SGCZ: variants seen among roughly 807,000 people sequenced by gnomAD.
SGCZ encodes sarcoglycan zeta, also known as zeta-sarcoglycan.
Under a neutral mutation model 41.3 loss-of-function variants are expected in SGCZ, and 40 were observed. The observed-to-expected ratio is 0.97, with a 90% CI of 0.75 to 1.26. The LOEUF (loss-of-function observed/expected upper bound fraction) is 1.26. SGCZ is among the 50% of genes most tolerant of loss of function. The pLI is 0.00. For missense variants in SGCZ, 552 were observed against 369.8 expected (o/e 1.49, Z -4.04); for synonymous variants, 206 against 137.5 (o/e 1.50, Z -3.49).
chr8:14,193,338 T>TC (rs1554475941), intron 4 of SGCZ, among the ~76,000 whole-genome samples: 3 of 151,362 alleles, frequency 2.0e-5, no homozygotes, highest in Admixed American at 1.3e-4. Flanking sequence ...AGCATGCTAT[T>TC]TTTTTTACAA....
At chr8:14,121,612 A>G (rs1802698637) in intron 5 of SGCZ, among the ~76,000 whole-genome samples, 1 of 152,120 alleles carries the variant, frequency 6.6e-6, no homozygotes, top group South Asian at 2.1e-4. Flanking sequence ...CTAACATCAG[A>G]TAGACTTTTC....
chr8:15,028,782 A>C (rs1803550181), intron 1 of SGCZ, among the ~76,000 whole-genome samples: 1 of 152,050 alleles, frequency 6.6e-6, no homozygotes, highest in Non-Finnish European at 1.5e-5. Context: ...TTCCTATCTA[A>C]CTCAAAGACT....
intron 1 of SGCZ, among the ~76,000 whole-genome samples, chr8:15,031,326 TA>T: frequency 6.6e-6 from 1 of 152,162 alleles, no homozygotes; most frequent in South Asian, 2.1e-4. Flanking sequence ...GGCCTTGAGG[TA>T]AAGAGTGGTG....
intron 1 of SGCZ, among the ~76,000 whole-genome samples, chr8:14,615,971 A>C (rs1806086741): frequency 6.6e-6 from 1 of 152,058 alleles, no homozygotes; most frequent in African/African-American, 2.4e-5. Flanking sequence ...TAACTCACTA[A>C]TGGGTCATGA....
Position 14,363,776 on chromosome 8 carries a change from T to C in SGCZ, c.235-39572A>G, listed in dbSNP as rs150431494. On this transcript the variant is annotated intron_variant, in intron 2 of 7. Coordinates refer to ENST00000382080, the MANE Select transcript of SGCZ (RefSeq NM_139167.4). ...CAGACTGCTTCTCCTCTTGCAACAT[T>C]TCCTGTCGAAAAACATTCAGATTTA... 6.6e-4 allele frequency among the ~76,000 whole-genome samples: 100 copies of C among 152,296 alleles called. 3 individuals are homozygous for C. Among genetic ancestry groups the C allele is most frequent in the African/African-American group, 2.2e-3 (90 of 41,554 alleles).
chr8:14,193,006 A>G (rs1563177887), intron 4 of SGCZ, among the ~76,000 whole-genome samples: 1 of 152,000 alleles, frequency 6.6e-6, no homozygotes. Context: ...TTTTCTAAAT[A>G]TACAAATTAT....
At chr8:14,814,714 T>C (rs915249588) in intron 1 of SGCZ, among the ~76,000 whole-genome samples, 2 of 152,138 alleles carry the variant, frequency 1.3e-5, no homozygotes, top group African/African-American at 4.8e-5. Context: ...GTTTCTTGAG[T>C]TGACTTCTCT....
chr8:14,361,783 C>A (rs1803522934), intron 2 of SGCZ, among the ~76,000 whole-genome samples: 1 of 152,130 alleles, frequency 6.6e-6, no homozygotes, highest in Non-Finnish European at 1.5e-5. Context: ...GAATTTTCAG[C>A]CTTTCTGCTC....
chr8:14,917,457 T>G (rs1799468619), intron 1 of SGCZ, among the ~76,000 whole-genome samples: 1 of 152,092 alleles, frequency 6.6e-6, no homozygotes, highest in African/African-American at 2.4e-5. Context: ...TCAATAAAAT[T>G]ACTGGGCAAG....
intron 1 of SGCZ, among the ~76,000 whole-genome samples, chr8:14,806,329 A>G (rs1317360534): frequency 8.0e-5 from 12 of 150,250 alleles, no homozygotes; most frequent in African/African-American, 1.7e-4. Flanking sequence ...TTGATAGACC[A>G]CTAGCAAGAC....
chr8:15,100,340 A>G (rs1197743322), intron 1 of SGCZ, among the ~76,000 whole-genome samples: 1 of 152,220 alleles, frequency 6.6e-6, no homozygotes, highest in Non-Finnish European at 1.5e-5. Context: ...TAAAAACATA[A>G]CACTATTTAT....
At chr8:14,402,062 G>A (rs1013176681) in intron 2 of SGCZ, among the ~76,000 whole-genome samples, 20 of 152,266 alleles carry the variant, frequency 1.3e-4, no homozygotes, top group African/African-American at 4.1e-4. Flanking sequence ...TTTCTCATGT[G>A]TTTTTAGGCT....
At chr8:14,190,915 A>G (rs1201707691) in intron 4 of SGCZ, among the ~76,000 whole-genome samples, 2 of 152,068 alleles carry the variant, frequency 1.3e-5, no homozygotes, top group African/African-American at 4.8e-5. Context: ...TTATTTAAGA[A>G]TATCCTTACT....
At chr8:14,929,342 A>G (rs890404121) in intron 1 of SGCZ, among the ~76,000 whole-genome samples, 1 of 152,204 alleles carries the variant, frequency 6.6e-6, no homozygotes, top group African/African-American at 2.4e-5. Flanking sequence ...GTGCTGCTAT[A>G]TAAAGTGAGA....
At chr8:14,229,790 C>G (rs1043199906) in intron 4 of SGCZ, among the ~76,000 whole-genome samples, 2 of 152,046 alleles carry the variant, frequency 1.3e-5, no homozygotes, top group Admixed American at 6.6e-5. Flanking sequence ...TGCTTTAACG[C>G]AAGATTGCAT....
chr8:14,701,880 T>C (rs1199792514), intron 1 of SGCZ, among the ~76,000 whole-genome samples: 1 of 151,906 alleles, frequency 6.6e-6, no homozygotes, highest in East Asian at 1.9e-4. Flanking sequence ...CTCATCAACC[T>C]AAAAATATGT....
rs766823733 is a variant in SGCZ, at chr8:14,768,064, T to A, written c.40-213138A>T. Among the ~76,000 whole-genome samples, 4 of 152,294 alleles carry A rather than the reference T, an allele frequency of 2.6e-5. No individual in the cohort carries two copies. In the Middle Eastern group the frequency reaches 0.01, roughly 389 times the overall value. ...TTTGTGTTTCCAGAAAATAGGATTT[T>A]AGTCCAATGCATAGTGCACTCTATT... On this transcript the variant is annotated intron_variant, in intron 1 of 7. Coordinates refer to ENST00000382080, the MANE Select transcript of SGCZ (RefSeq NM_139167.4).
At chr8:14,545,968 G>C (rs570700144) in intron 2 of SGCZ, among the ~76,000 whole-genome samples, 2 of 152,136 alleles carry the variant, frequency 1.3e-5, no homozygotes, top group South Asian at 4.2e-4. Context: ...GTTTGCACTT[G>C]GATAAAAATG....
At chr8:14,801,122 G>A (rs1171078314) in intron 1 of SGCZ, among the ~76,000 whole-genome samples, 1 of 152,122 alleles carries the variant, frequency 6.6e-6, no homozygotes, top group Non-Finnish European at 1.5e-5. Context: ...ATCTACAAAA[G>A]ATCTATGAAT....
Sources: gnomAD v4.1 joint callset for allele counts (sites outside exome capture counted in the v4.1 genomes callset) on GRCh38, gnomAD v4.1.1 for gene constraint, MANE v1.5 for transcripts, NCBI Gene and HGNC (gene_info 2026-07-23, HGNC 2026-07-21) for gene names.